HECW1: variants seen among roughly 807,000 people sequenced by gnomAD.
HECW1 encodes the protein HECT, C2 and WW domain containing E3 ubiquitin protein ligase 1, also known as E3 ubiquitin-protein ligase HECW1.
In HECW1, 61 loss-of-function variants were observed where a neutral mutation model predicts 182.3. The ratio of observed to expected loss-of-function variants is 0.33; its 90% CI spans 0.27 to 0.41. The LOEUF (loss-of-function observed/expected upper bound fraction) is 0.41. Ranked by LOEUF, HECW1 falls within the 10% of genes least tolerant of loss-of-function variation. HECW1 has a pLI of 1.00. For synonymous variants in HECW1, 859 were observed against 832.6 expected (o/e 1.03, Z -0.55); for missense variants, 1,739 against 2,108.9 (o/e 0.82, Z 3.44).
At chr7:43,495,473 T>C (rs1387410394) in intron 19 of HECW1, among the ~76,000 whole-genome samples, 1 of 152,210 alleles carries the variant, frequency 6.6e-6, no homozygotes, top group African/African-American at 2.4e-5. Flanking sequence ...TTTAGATCTC[T>C]TGTATTCTGT....
chr7:43,199,858 C>A (rs1035650135), intron 2 of HECW1, among the ~76,000 whole-genome samples: 1 of 152,080 alleles, frequency 6.6e-6, no homozygotes, highest in Non-Finnish European at 1.5e-5. Context: ...TCTATATATA[C>A]ACGTTTGGTT....
At chr7:43,130,862 C>T (rs143154344) in intron 2 of HECW1, among the ~76,000 whole-genome samples, 1 of 103,230 alleles carries the variant, frequency 9.7e-6, no homozygotes, top group Non-Finnish European at 2.2e-5. Context: ...AAATGCTCAA[C>T]CTGTATTAAT....
chr7:43,146,696 A>T (rs1268139418), intron 2 of HECW1, among the ~76,000 whole-genome samples: 1 of 152,052 alleles, frequency 6.6e-6, no homozygotes, highest in African/African-American at 2.4e-5. Context: ...TGAAGGGGAG[A>T]AATAGAGGAT....
chr7:43,320,822 C>T (rs986830631), intron 5 of HECW1, 80 bp downstream of exon 5: 12 of 992,046 alleles, frequency 1.2e-5, no homozygotes, highest in Non-Finnish European at 1.8e-5. Flanking sequence ...GTTCCCGTTG[C>T]ACTGCCTCCA....
chr7:43,230,375 CAG>C (rs945989194), intron 2 of HECW1, among the ~76,000 whole-genome samples: 8 of 152,134 alleles, frequency 5.3e-5, no homozygotes, highest in African/African-American at 1.9e-4. Flanking sequence ...GCCTGGGTGA[CAG>C]AGAGAGACTC....
chr7:43,273,879 A>T, intron 3 of HECW1, among the ~76,000 whole-genome samples: 1 of 146,798 alleles, frequency 6.8e-6, no homozygotes, highest in African/African-American at 2.5e-5. Context: ...TTTGAGATGG[A>T]GTCTCTCTGT....
intron 6 of HECW1, among the ~76,000 whole-genome samples, chr7:43,380,780 C>T (rs896469841): frequency 9.9e-5 from 15 of 151,982 alleles, no homozygotes; most frequent in Middle Eastern, 3.4e-3. Flanking sequence ...CCACCTGCCT[C>T]GGCCTCCTGA....
intron 2 of HECW1, chr7:43,119,025 CA>C (rs1646148520): frequency 6.6e-6 from 1 of 152,318 alleles, no homozygotes; most frequent in East Asian, 1.9e-4. Context: ...TTTATTGTGA[CA>C]TATTTGATTT....
rs561306557 is a variant in HECW1 at position 43,539,677 on chromosome 7, C to T, written c.4020-1486C>T. Among the ~76,000 whole-genome samples the T allele has an allele frequency of 3.9e-5, 6 of 151,974 alleles. No homozygotes were observed. The South Asian group carries it at 6.2e-4, about 16-fold the overall frequency. On this transcript the variant is annotated intron_variant, in intron 24 of 29. Coordinates refer to ENST00000395891, the MANE Select transcript of HECW1 (RefSeq NM_015052.5). ...GGGGCCACCTCTAAGTGCGGAACCA[C>T]GGGCCCATCACCTCTGTGCTGACCT...
chr7:43,406,193 G>T (rs908577676), intron 7 of HECW1, among the ~76,000 whole-genome samples: 3 of 152,166 alleles, frequency 2.0e-5, no homozygotes, highest in Admixed American at 6.5e-5. Flanking sequence ...GGTCTAGGGA[G>T]TAACAGTGCA....
At chr7:43,303,300 G>A (rs992278450) in intron 3 of HECW1, among the ~76,000 whole-genome samples, 2 of 152,012 alleles carry the variant, frequency 1.3e-5, no homozygotes, top group Non-Finnish European at 2.9e-5. Context: ...GAGTGAGAAT[G>A]GTGTGCGAGC....
At chr7:43,252,832 A>G (rs781035812) in intron 3 of HECW1, among the ~76,000 whole-genome samples, 3 of 152,252 alleles carry the variant, frequency 2.0e-5, no homozygotes, top group Non-Finnish European at 4.4e-5. Flanking sequence ...GTTTAACAGT[A>G]GATGTAGAAT....
intron 3 of HECW1, among the ~76,000 whole-genome samples, chr7:43,290,281 C>T (rs1330456903): frequency 6.6e-6 from 1 of 152,128 alleles, no homozygotes; most frequent in African/African-American, 2.4e-5. Flanking sequence ...TGCTATCTGT[C>T]ATGTGATGTT....
In HECW1 at chr7:43,432,748, CA is replaced by C. The variant is rs1237945341; in HGVS notation, c.802-5254del. On this transcript the variant is annotated intron_variant, in intron 8 of 29. Transcript: ENST00000395891. This position sits in a 1 kb window ranked among gnomAD's most constrained non-coding sequence, Gnocchi z 4.1. ...TCTCCTAATCTCTGCCTAAATTGCT[CA>C]TTATGCAACTGCTACCAGTTTACAT... Among the ~76,000 whole-genome samples, 32 of 152,332 alleles carry C rather than the reference CA, an allele frequency of 2.1e-4. No individual in the cohort carries two copies. Among genetic ancestry groups the C allele is most frequent in the African/African-American group, 7.5e-4 (31 of 41,584 alleles).
chr7:43,390,542 AAAAAAAC>A (rs1221324175), intron 6 of HECW1, among the ~76,000 whole-genome samples: 1 of 150,678 alleles, frequency 6.6e-6, no homozygotes, highest in East Asian at 1.9e-4. Flanking sequence ...ACTCTTAAAA[AAAAAAAC>A]AAAAAAAAAA....
At chr7:43,439,188 T>C (rs934120384) in intron 9 of HECW1, 5 of 152,346 alleles carry the variant, frequency 3.3e-5, no homozygotes, top group Non-Finnish European at 7.4e-5. Flanking sequence ...TGGCACGTAG[T>C]AGGAACACAA....
At chr7:43,311,141 C>T (rs1204257532) in intron 3 of HECW1, among the ~76,000 whole-genome samples, 2 of 152,206 alleles carry the variant, frequency 1.3e-5, no homozygotes, top group Non-Finnish European at 2.9e-5. Context: ...ATACAGTCCT[C>T]TGAGATTGGA....
At chr7:43,376,120 T>C (rs2074314269) in intron 6 of HECW1, among the ~76,000 whole-genome samples, 1 of 151,778 alleles carries the variant, frequency 6.6e-6, no homozygotes, top group African/African-American at 2.4e-5. Flanking sequence ...ACCAAACATA[T>C]ACTCACCTAT....
chr7:43,226,853 G>A (rs1037867146), intron 2 of HECW1, among the ~76,000 whole-genome samples: 1 of 152,192 alleles, frequency 6.6e-6, no homozygotes, highest in African/African-American at 2.4e-5. Context: ...ATTGGTCAGG[G>A]CAGCCTGCAG....
Sources: allele counts gnomAD v4.1 joint callset (sites outside exome capture counted in the v4.1 genomes callset), GRCh38; gene constraint gnomAD v4.1.1; non-coding constraint Gnocchi (gnomAD v3.1); transcripts MANE v1.5; gene names NCBI Gene and HGNC (gene_info 2026-07-23, HGNC 2026-07-21).